NRG1: variants seen among roughly 807,000 people sequenced by gnomAD.
The protein encoded by NRG1 is pro-neuregulin-1, membrane-bound isoform.
In NRG1, 18 loss-of-function variants were observed where a neutral mutation model predicts 63.8. The observed-to-expected ratio is 0.28, with a 90% CI of 0.19 to 0.42. The LOEUF is 0.42. NRG1 is among the 10% of genes least tolerant of loss of function. The probability of loss-of-function intolerance (pLI) is 1.00; values close to 1 mark genes in which losing one functional copy is unlikely to be tolerated. For synonymous variants in NRG1, 302 were observed against 301.3 expected (o/e 1.00, Z -0.02); for missense variants, 762 against 814.7 (o/e 0.94, Z 0.79).
intron 9 of NRG1, among the ~76,000 whole-genome samples, chr8:32,757,728 G>C (rs867653040): frequency 7.9e-5 from 12 of 152,048 alleles, no homozygotes; most frequent in Admixed American, 2.6e-4. Context: ...TGCATCTTTG[G>C]GCTTTAACTT....
chr8:31,871,316 G>A (rs1055527778), intron 1 of NRG1, among the ~76,000 whole-genome samples: 6 of 152,042 alleles, frequency 3.9e-5, no homozygotes, highest in African/African-American at 1.4e-4. Context: ...TCTGTGACAC[G>A]GTAAATGAAA....
intron 1 of NRG1, among the ~76,000 whole-genome samples, chr8:31,663,741 A>G (rs528147895): frequency 1.3e-5 from 2 of 152,196 alleles, no homozygotes; most frequent in South Asian, 4.1e-4. Flanking sequence ...TTTGCTTTTG[A>G]TAGGTGAGGG....
At chr8:32,259,470 C>T (rs1056137525) in intron 1 of NRG1, among the ~76,000 whole-genome samples, 1 of 152,116 alleles carries the variant, frequency 6.6e-6, no homozygotes, top group East Asian at 1.9e-4. Flanking sequence ...GATCACCATC[C>T]CCAGATGCCA....
chr8:32,377,509 C>T (rs2347507), intron 1 of NRG1, among the ~76,000 whole-genome samples: 20,068 of 152,018 alleles, frequency 0.13, 1,852 homozygotes, highest in Admixed American at 0.26. Flanking sequence ...ATCAATAAAC[C>T]TTGGATTTTC....
intron 1 of NRG1, among the ~76,000 whole-genome samples, chr8:31,885,104 A>T (rs534524181): frequency 1.3e-5 from 2 of 152,144 alleles, no homozygotes; most frequent in Admixed American, 1.3e-4. Flanking sequence ...ATTTAATGCT[A>T]CCAATAGATG....
intron 1 of NRG1, among the ~76,000 whole-genome samples, chr8:32,295,829 C>T (rs926879313): frequency 5.3e-5 from 8 of 151,152 alleles, no homozygotes; most frequent in Non-Finnish European, 4.4e-5. Flanking sequence ...GGAGAATACT[C>T]AGGAGGCCGA....
chr8:31,931,544 G>A (rs937854634), intron 1 of NRG1, among the ~76,000 whole-genome samples: 8 of 152,122 alleles, frequency 5.3e-5, no homozygotes, highest in African/African-American at 1.7e-4. Flanking sequence ...CAATACACGC[G>A]TGATAATTGT....
chr8:32,760,072 A>T, intron 10 of NRG1, 128 bp from the exon 11 acceptor site: 1 of 990,830 alleles, frequency 1.0e-6, no homozygotes, highest in Non-Finnish European at 1.5e-6. Context: ...GAGACAAGTG[A>T]TGTTACAGTG....
intron 1 of NRG1, among the ~76,000 whole-genome samples, chr8:31,841,275 G>A (rs1011419661): frequency 6.6e-6 from 1 of 152,146 alleles, no homozygotes; most frequent in African/African-American, 2.4e-5. Flanking sequence ...CAGCAGAAGT[G>A]TAGAGAAGAC....
At chr8:31,646,936 C>G (rs1232124996) in intron 1 of NRG1, among the ~76,000 whole-genome samples, 2 of 152,194 alleles carry the variant, frequency 1.3e-5, no homozygotes, top group African/African-American at 4.8e-5. Context: ...TTTCCCAAAA[C>G]TTTTCCCTCA....
intron 1 of NRG1, among the ~76,000 whole-genome samples, chr8:31,795,850 A>G (rs1286343027): frequency 1.3e-5 from 2 of 152,228 alleles, no homozygotes; most frequent in Non-Finnish European, 2.9e-5. Flanking sequence ...AGCAGATTTA[A>G]TGATTAAAAT....
rs567322695 is a variant in NRG1, at chr8:32,313,012, G to A, written c.38-282816G>A. Among the ~76,000 whole-genome samples the A allele has an allele frequency of 4.6e-5, 7 of 152,178 alleles. No homozygotes were observed. The East Asian group carries it at 7.8e-4, about 17-fold the overall frequency. On this transcript the variant is annotated intron_variant, in intron 1 of 10. Transcript: ENST00000519301. ...CTACTAAAAATACAAAATTAGCCGC[G>A]TGTGGTGGTGGACGCCTGTAATCCC... is the stretch of plus-strand genomic sequence containing the variant.
intron 1 of NRG1, among the ~76,000 whole-genome samples, chr8:32,410,176 C>CG (rs771695582): frequency 2.0e-5 from 2 of 99,308 alleles, no homozygotes; most frequent in African/African-American, 7.8e-5. Context: ...TTTTTCTTTC[C>CG]TTTTTTTTTT....
chr8:31,822,524 A>G (rs1341294179), intron 1 of NRG1, among the ~76,000 whole-genome samples: 4 of 152,184 alleles, frequency 2.6e-5, no homozygotes, highest in Non-Finnish European at 5.9e-5. Flanking sequence ...GTATTTGTGA[A>G]TAGTAATAGC....
chr8:32,168,076 A>G (rs1839593754), intron 1 of NRG1, among the ~76,000 whole-genome samples: 1 of 152,148 alleles, frequency 6.6e-6, no homozygotes, highest in African/African-American at 2.4e-5. Flanking sequence ...TACATCACTG[A>G]TTCCTCACCA....
chr8:32,469,262 T>A (rs1249455640), intron 1 of NRG1, among the ~76,000 whole-genome samples: 1 of 152,142 alleles, frequency 6.6e-6, no homozygotes, highest in Non-Finnish European at 1.5e-5. Context: ...GTTTAGTACA[T>A]GTACAGCAGA....
At chr8:32,262,156 CT>C (rs1850449704) in intron 1 of NRG1, among the ~76,000 whole-genome samples, 1 of 152,152 alleles carries the variant, frequency 6.6e-6, no homozygotes, top group African/African-American at 2.4e-5. Context: ...GCACAGCATT[CT>C]TTACCAATTC....
At chr8:32,704,549 T>A (rs1170332456) in intron 5 of NRG1, among the ~76,000 whole-genome samples, 1 of 152,204 alleles carries the variant, frequency 6.6e-6, no homozygotes, top group East Asian at 1.9e-4. Context: ...AAGGCATAGT[T>A]AAAAATCTGT....
chr8:32,622,773 G>A (rs1364782935), intron 5 of NRG1, among the ~76,000 whole-genome samples: 1 of 152,174 alleles, frequency 6.6e-6, no homozygotes, highest in Non-Finnish European at 1.5e-5. Context: ...GAAAATGCAT[G>A]TATATCATTT....
Sources: allele counts gnomAD v4.1 joint callset (sites outside exome capture counted in the v4.1 genomes callset), GRCh38; gene constraint gnomAD v4.1.1; transcripts MANE v1.5; gene names NCBI Gene and HGNC (gene_info 2026-07-23, HGNC 2026-07-21).